SLC35F1: variants seen among roughly 807,000 people sequenced by gnomAD.
SLC35F1 encodes the protein chromosome 6 open reading frame 169.
In SLC35F1, 14 loss-of-function variants were observed where a neutral mutation model predicts 48.7. The observed-to-expected ratio is 0.29, with a 90% CI of 0.19 to 0.45. The LOEUF (loss-of-function observed/expected upper bound fraction) is 0.45. SLC35F1 is among the 20% of genes least tolerant of loss of function. The probability of loss-of-function intolerance (pLI) is 1.00; values close to 1 mark genes in which losing one functional copy is unlikely to be tolerated. For synonymous variants in SLC35F1, 190 were observed against 202.2 expected (o/e 0.94, Z 0.51); for missense variants, 404 against 500.0 (o/e 0.81, Z 1.83).
chr6:118,124,050 T>G (rs2114407344), intron 1 of SLC35F1, among the ~76,000 whole-genome samples: 1 of 152,240 alleles, frequency 6.6e-6, no homozygotes, highest in African/African-American at 2.4e-5. Flanking sequence ...TTTTGAGAAT[T>G]TGTCTCTTGA....
At chr6:118,166,205 A>G (rs1774315203) in intron 2 of SLC35F1, among the ~76,000 whole-genome samples, 1 of 152,198 alleles carries the variant, frequency 6.6e-6, no homozygotes, top group Non-Finnish European at 1.5e-5. Flanking sequence ...GAGAACACAA[A>G]GCATTGGAGG....
At chr6:117,929,504 CAG>C (rs1052276603) in intron 1 of SLC35F1, among the ~76,000 whole-genome samples, 5 of 131,726 alleles carry the variant, frequency 3.8e-5, no homozygotes, top group Middle Eastern at 4.2e-3. Flanking sequence ...GAGAGAGAGA[CAG>C]AGAGAGAGAT....
Position 118,125,141 on chromosome 6 carries a change from A to G in SLC35F1, c.174-29304A>G, listed in dbSNP as rs530378512. The stretch of plus-strand genomic sequence containing the variant: ...CATGGGTGTATACAAAAGAAAAGTC[A>G]AGAACCCATCTATTTAGAGAATACA... On this transcript the variant is annotated intron_variant, in intron 1 of 7. Coordinates refer to ENST00000360388, the MANE Select transcript of SLC35F1 (RefSeq NM_001029858.4). Among the ~76,000 whole-genome samples, 4 of 152,320 alleles carry G rather than the reference A, an allele frequency of 2.6e-5. No individual in the cohort carries two copies. The East Asian group carries it at 7.7e-4, about 29-fold the overall frequency.
chr6:118,249,853 A>G (rs1775551032), intron 3 of SLC35F1, among the ~76,000 whole-genome samples: 1 of 151,874 alleles, frequency 6.6e-6, no homozygotes, highest in Admixed American at 6.5e-5. Context: ...TGAGGCCATT[A>G]AGTAGGGGGC....
At chr6:118,275,708 G>C in intron 5 of SLC35F1, 93 bp downstream of exon 5, 2 of 1,213,364 alleles carry the variant, frequency 1.6e-6, no homozygotes, top group Non-Finnish European at 2.3e-6. Context: ...ATCAAGGCTG[G>C]AATCCAGACA....
chr6:118,106,414 C>G (rs181126073), intron 1 of SLC35F1, among the ~76,000 whole-genome samples: 12 of 152,268 alleles, frequency 7.9e-5, no homozygotes, highest in Admixed American at 3.9e-4. Context: ...TTGATTATGA[C>G]AAATTCCTCA....
At chr6:118,174,933 C>T (rs1774464892) in intron 2 of SLC35F1, among the ~76,000 whole-genome samples, 1 of 151,564 alleles carries the variant, frequency 6.6e-6, no homozygotes, top group African/African-American at 2.4e-5. Context: ...GTCTGTAAAC[C>T]ATAAAAGTAC....
chr6:118,231,234 C>G (rs760612156), intron 2 of SLC35F1, among the ~76,000 whole-genome samples: 1 of 152,074 alleles, frequency 6.6e-6, no homozygotes, highest in African/African-American at 2.4e-5. Flanking sequence ...AAATAGTAAA[C>G]AGAATGCATT....
intron 2 of SLC35F1, among the ~76,000 whole-genome samples, chr6:118,218,682 G>A (rs1275065397): frequency 2.0e-5 from 3 of 152,138 alleles, no homozygotes; most frequent in African/African-American, 4.8e-5. Flanking sequence ...CAAATGGGAC[G>A]TCATATTAAA....
At chr6:118,262,270 T>C (rs960252633) in intron 3 of SLC35F1, among the ~76,000 whole-genome samples, 2 of 151,616 alleles carry the variant, frequency 1.3e-5, no homozygotes, top group African/African-American at 4.9e-5. Flanking sequence ...AAAGAGAAGC[T>C]CGAGTAGATT....
At chr6:118,189,135 A>G (rs1774699107) in intron 2 of SLC35F1, among the ~76,000 whole-genome samples, 1 of 151,482 alleles carries the variant, frequency 6.6e-6, no homozygotes, top group East Asian at 1.9e-4. Context: ...TTAGTCTTGA[A>G]CTCCTGGACT....
chr6:118,080,832 T>G (rs1772897091), intron 1 of SLC35F1, among the ~76,000 whole-genome samples: 1 of 152,058 alleles, frequency 6.6e-6, no homozygotes, highest in South Asian at 2.1e-4. Context: ...GCTCAGAGAG[T>G]AAGGCAGAAA....
intron 1 of SLC35F1, among the ~76,000 whole-genome samples, chr6:117,924,056 TACACAC>T (rs1204763499): frequency 1.3e-5 from 2 of 150,550 alleles, no homozygotes; most frequent in Non-Finnish European, 3.0e-5. Flanking sequence ...CATATGTATA[TACACAC>T]ATAGGTACAC....
intron 3 of SLC35F1, among the ~76,000 whole-genome samples, chr6:118,250,358 CAGA>C (rs903609772): frequency 6.6e-6 from 1 of 152,180 alleles, no homozygotes; most frequent in African/African-American, 2.4e-5. Flanking sequence ...TGCCTACACA[CAGA>C]AGGTGTTCCA....
At chr6:118,048,253 G>T (rs1444563789) in intron 1 of SLC35F1, among the ~76,000 whole-genome samples, 1 of 152,080 alleles carries the variant, frequency 6.6e-6, no homozygotes, top group Non-Finnish European at 1.5e-5. Context: ...TGGTGGATAA[G>T]CTTTTTGATG....
At chr6:118,236,236 T>G (rs1775363342) in intron 3 of SLC35F1, among the ~76,000 whole-genome samples, 1 of 152,134 alleles carries the variant, frequency 6.6e-6, no homozygotes, top group African/African-American at 2.4e-5. Context: ...TCCTTCTCTT[T>G]CTCACATGAA....
intron 1 of SLC35F1, among the ~76,000 whole-genome samples, chr6:118,087,377 G>T (rs1434101788): frequency 6.6e-6 from 1 of 152,096 alleles, no homozygotes; most frequent in Non-Finnish European, 1.5e-5. Context: ...GAGGTACTGG[G>T]GGGCTAGGAC....
At chr6:118,041,698 ATAGTAACC>A (rs1772223783) in intron 1 of SLC35F1, among the ~76,000 whole-genome samples, 1 of 152,158 alleles carries the variant, frequency 6.6e-6, no homozygotes, top group South Asian at 2.1e-4. Context: ...TTTTAACTCA[ATAGTAACC>A]GCCCTTCAGA....
intron 1 of SLC35F1, among the ~76,000 whole-genome samples, chr6:118,121,258 G>A (rs1013094588): frequency 6.6e-6 from 1 of 152,092 alleles, no homozygotes; most frequent in South Asian, 2.1e-4. Context: ...AGAATCTGTG[G>A]TACTACTCTA....
Sources: allele counts gnomAD v4.1 joint callset (sites outside exome capture counted in the v4.1 genomes callset), GRCh38; gene constraint gnomAD v4.1.1; transcripts MANE v1.5; gene names NCBI Gene and HGNC (gene_info 2026-07-23, HGNC 2026-07-21).